The following IQCJ variants were observed in gnomAD, a reference collection of about 807,000 sequenced individuals.
IQCJ encodes the protein IQ domain-containing protein J.
A neutral mutation model predicts 11.0 loss-of-function variants in IQCJ; 9 were observed. That is an observed-to-expected ratio of 0.82 (90% CI 0.49 to 1.43). The LOEUF (loss-of-function observed/expected upper bound fraction) is 1.43, where lower values mean the gene tolerates loss of function less well. Among genes scored for constraint, IQCJ ranks in the 40% most tolerant of loss-of-function variants. The pLI, the probability that IQCJ is intolerant of heterozygous loss-of-function variation, is 0.00. For missense variants in IQCJ, 146 were observed against 133.2 expected, an observed-to-expected ratio of 1.10 and a Z score of -0.47; for synonymous variants, 55 against 51.3, an observed-to-expected ratio of 1.07 and a Z score of -0.31.
At chr3:159,183,814 G>T in intron 1 of IQCJ, among the ~76,000 whole-genome samples, 1 of 152,066 alleles carries the variant, frequency 6.6e-6, no homozygotes, top group East Asian at 1.9e-4. Flanking sequence ...AGTAATCTTC[G>T]ATTCACCACT....
chr3:159,193,844 C>G (rs532145814), intron 1 of IQCJ, among the ~76,000 whole-genome samples: 1 of 152,210 alleles, frequency 6.6e-6, no homozygotes, highest in Non-Finnish European at 1.5e-5. Flanking sequence ...TACAAGGGAC[C>G]TCATGATGTC....
chr3:159,070,734 A>G (rs1433633681), intron 1 of IQCJ, among the ~76,000 whole-genome samples: 1 of 152,100 alleles, frequency 6.6e-6, no homozygotes, highest in African/African-American at 2.4e-5. Context: ...GTAGTTTTCT[A>G]AGAAATTAAA....
chr3:159,194,347 G>A (rs1013882727), intron 1 of IQCJ, among the ~76,000 whole-genome samples: 52 of 152,096 alleles, frequency 3.4e-4, no homozygotes, highest in Admixed American at 2.7e-3. Context: ...TAACCATGTC[G>A]ATAGCTCTCT....
At chr3:159,084,930 A>C (rs1255258526) in intron 1 of IQCJ, among the ~76,000 whole-genome samples, 1 of 149,510 alleles carries the variant, frequency 6.7e-6, no homozygotes, top group Non-Finnish European at 1.5e-5. Context: ...TTTTATTATT[A>C]TTATACTTTA....
intron 1 of IQCJ, among the ~76,000 whole-genome samples, chr3:159,226,667 T>A (rs1725872605): frequency 6.6e-6 from 1 of 152,172 alleles, no homozygotes; most frequent in Admixed American, 6.5e-5. Flanking sequence ...CTAAATAACA[T>A]TTCAGGATGC....
In IQCJ at chr3:159,255,892, G is replaced by A. The variant is rs1183559228; in HGVS notation, c.155+3085G>A. ...AAAAGTAATAGTGAAAGCACCAAAAGGAAGGCTCTCTGAGCAACTCTAAGG... is the reference window on the plus strand; with the variant it reads ...AAAAGTAATAGTGAAAGCACCAAAAAGAAGGCTCTCTGAGCAACTCTAAGG... On this transcript the variant is annotated intron_variant, in intron 3 of 3. Coordinates refer to ENST00000397832, the MANE Select transcript of IQCJ (RefSeq NM_001042706.3). Among the ~76,000 whole-genome samples the A allele has an allele frequency of 2.6e-5, 4 of 152,302 alleles. No homozygotes were observed. In the East Asian group the frequency reaches 7.7e-4, roughly 29 times the overall value.
At chr3:159,149,798 A>C (rs1356936149) in intron 1 of IQCJ, among the ~76,000 whole-genome samples, 7 of 152,166 alleles carry the variant, frequency 4.6e-5, no homozygotes, top group Non-Finnish European at 8.8e-5. Context: ...CCAAGCATTG[A>C]ATCTGTTCTC....
intron 1 of IQCJ, among the ~76,000 whole-genome samples, chr3:159,159,499 A>G (rs1366205361): frequency 6.6e-6 from 1 of 152,190 alleles, no homozygotes; most frequent in Non-Finnish European, 1.5e-5. Context: ...TAGTTATTTT[A>G]TGTGTTGATA....
chr3:159,189,971 G>A (rs77669017), intron 1 of IQCJ, among the ~76,000 whole-genome samples: 1,875 of 152,282 alleles, frequency 0.012, 31 homozygotes, highest in Middle Eastern at 0.017. Flanking sequence ...TTTGTATCAA[G>A]ATAGGAATGC....
Position 159,182,253 on chromosome 3 carries a change from G to A in IQCJ, c.10-63590G>A, listed in dbSNP as rs976655025. Among the ~76,000 whole-genome samples the A allele has an allele frequency of 2.6e-5, 4 of 151,620 alleles. No homozygotes were observed. The East Asian group carries it at 7.7e-4, about 29-fold the overall frequency. The stretch of plus-strand genomic sequence containing the variant: ...CCTCTCTATACCCCCAATGACAGCT[G>A]TGCCCCAACAGCACTCTTTACTCAC... On this transcript the variant is annotated intron_variant, in intron 1 of 3. Transcript: ENST00000397832.
chr3:159,173,665 A>G (rs1425837756), intron 1 of IQCJ, among the ~76,000 whole-genome samples: 1 of 151,962 alleles, frequency 6.6e-6, no homozygotes, highest in African/African-American at 2.4e-5. Context: ...CTGTCTTTTG[A>G]CTCCCTCGCT....
chr3:159,125,989 G>A (rs1016354027), intron 1 of IQCJ, among the ~76,000 whole-genome samples: 2 of 152,232 alleles, frequency 1.3e-5, no homozygotes, highest in African/African-American at 4.8e-5. Context: ...AAGTACAGCG[G>A]CTTCTCCCAG....
chr3:159,204,093 G>A (rs890799776), intron 1 of IQCJ, among the ~76,000 whole-genome samples: 1 of 152,190 alleles, frequency 6.6e-6, no homozygotes, highest in Admixed American at 6.5e-5. Flanking sequence ...CCTATGAAAG[G>A]CTGGACTCCA....
chr3:159,246,533 C>T (rs1020188785), intron 2 of IQCJ, among the ~76,000 whole-genome samples: 12 of 152,192 alleles, frequency 7.9e-5, no homozygotes, highest in South Asian at 2.1e-4. Context: ...GAAATAAACC[C>T]GGGTTTGGTT....
intron 3 of IQCJ, among the ~76,000 whole-genome samples, chr3:159,258,775 A>T (rs1253894947): frequency 6.6e-6 from 1 of 152,180 alleles, no homozygotes; most frequent in East Asian, 1.9e-4. Context: ...GTTGAAACCA[A>T]TTATCAACTG....
intron 1 of IQCJ, among the ~76,000 whole-genome samples, chr3:159,088,013 G>T (rs1263711864): frequency 6.6e-6 from 1 of 151,226 alleles, no homozygotes; most frequent in Non-Finnish European, 1.5e-5. Context: ...GTGATGTTAG[G>T]GTGTCAATTT....
chr3:159,241,524 G>C (rs1310188476), intron 1 of IQCJ, among the ~76,000 whole-genome samples: 1 of 152,132 alleles, frequency 6.6e-6, no homozygotes, highest in Admixed American at 6.5e-5. Flanking sequence ...CATCACCCTG[G>C]CTCTGGCCTT....
At chr3:159,260,027 G>T (rs148154767) in intron 3 of IQCJ, among the ~76,000 whole-genome samples, 4 of 152,122 alleles carry the variant, frequency 2.6e-5, no homozygotes, top group Non-Finnish European at 4.4e-5. Flanking sequence ...TATTTTAAAA[G>T]TACTTAATAT....
chr3:159,250,009 C>T (rs1251214641), intron 2 of IQCJ, among the ~76,000 whole-genome samples: 2 of 152,144 alleles, frequency 1.3e-5, no homozygotes, highest in Non-Finnish European at 2.9e-5. Context: ...CTTATGACTC[C>T]GTTGTTTAGG....
Sources: gnomAD v4.1 joint callset for allele counts (sites outside exome capture counted in the v4.1 genomes callset) on GRCh38, gnomAD v4.1.1 for gene constraint, MANE v1.5 for transcripts, NCBI Gene and HGNC (gene_info 2026-07-23, HGNC 2026-07-21) for gene names.